UTRN: variants seen among roughly 807,000 people sequenced by gnomAD.
UTRN encodes the protein utrophin.
In UTRN, 283 loss-of-function variants were observed where a neutral mutation model predicts 463.9. That is an observed-to-expected ratio of 0.61 (90% CI 0.55 to 0.67). The LOEUF is 0.67. Ranked by LOEUF, UTRN falls within the 30% of genes least tolerant of loss-of-function variation. UTRN has a pLI of 0.00. For missense variants in UTRN, 3,922 were observed against 4,084.3 expected, an observed-to-expected ratio of 0.96 and a Z score of 1.08; for synonymous variants, 1,442 against 1,431.5, an observed-to-expected ratio of 1.01 and a Z score of -0.17.
At chr6:144,463,773 A>G (rs958669395) in intron 23 of UTRN, among the ~76,000 whole-genome samples, 14 of 151,946 alleles carry the variant, frequency 9.2e-5, no homozygotes, top group Non-Finnish European at 1.5e-4. Context: ...AATTAGCAAT[A>G]GGAGATTTAG....
intron 65 of UTRN, among the ~76,000 whole-genome samples, chr6:144,817,882 TG>T (rs1779222084): frequency 6.6e-6 from 1 of 152,202 alleles, no homozygotes; most frequent in Admixed American, 6.5e-5. Flanking sequence ...TTTAAAAACA[TG>T]TAAATATGAG....
intron 2 of UTRN, among the ~76,000 whole-genome samples, chr6:144,393,046 TCCA>T (rs1782082398): frequency 6.9e-6 from 1 of 145,578 alleles, no homozygotes; most frequent in African/African-American, 2.6e-5. Context: ...CATCCATCCA[TCCA>T]TTCATCCATC....
chr6:144,826,401 C>T lies in UTRN; in HGVS notation c.9495-947C>T, dbSNP rs1272105410. Among the ~76,000 whole-genome samples, 3 of 147,334 alleles carry T rather than the reference C, an allele frequency of 2.0e-5. No individual in the cohort carries two copies. The East Asian group carries it at 6.1e-4, about 30-fold the overall frequency. On this transcript the variant is annotated intron_variant, in intron 66 of 74. Transcript: ENST00000367545. ...AGTTTTGGAATAATTTTGTTTCAAA[C>T]ACTGTTAGCTTTTGCAGACTTTTAT...
chr6:144,719,775 A>C (rs1222454526), intron 53 of UTRN, among the ~76,000 whole-genome samples: 1 of 152,240 alleles, frequency 6.6e-6, no homozygotes. Context: ...TTCTAAGTGC[A>C]ACAGGAAGCC....
At chr6:144,539,525 T>G in intron 45 of UTRN, 82 bp downstream of exon 45, 1 of 1,429,924 alleles carries the variant, frequency 7.0e-7, no homozygotes, top group South Asian at 1.5e-5. Context: ...ACTGCTTTAC[T>G]TTCAAGTATG....
intron 23 of UTRN, among the ~76,000 whole-genome samples, chr6:144,468,031 T>C (rs1241832994): frequency 1.3e-5 from 2 of 152,232 alleles, no homozygotes; most frequent in East Asian, 3.9e-4. Flanking sequence ...CACTATTTTT[T>C]TTTTTTTCTG....
At chr6:144,669,221 A>C (rs2128677324) in intron 51 of UTRN, among the ~76,000 whole-genome samples, 1 of 152,294 alleles carries the variant, frequency 6.6e-6, no homozygotes. Flanking sequence ...CTATATCTTA[A>C]ATTTGTTAGA....
intron 62 of UTRN, among the ~76,000 whole-genome samples, chr6:144,789,514 C>T (rs1776578798): frequency 6.6e-6 from 1 of 151,926 alleles, no homozygotes; most frequent in Admixed American, 6.6e-5. Flanking sequence ...GGAGTGAGAC[C>T]CAACTACAAA....
In UTRN at chr6:144,440,440, G is replaced by A; in HGVS notation, c.1481G>A (p.Ser494Asn). 7 of 1,614,208 alleles carry A rather than the reference G, an allele frequency of 4.3e-6. No homozygotes were observed. Among genetic ancestry groups the A allele is most frequent in the African/African-American group, 1.3e-5 (1 of 75,054 alleles). The change falls in exon 13 of 75, where the codon AGT becomes AAT. Residue 494 changes from serine (S) to asparagine (N), a missense_variant. Transcript: ENST00000367545. ...ATTGTTGATGAAAACAGTGGTGAGA[G>A]TGCTACAGCTATCCTAGAAGACCAG... The part of the protein sequence containing the change: ...VVIVDENSGE[S>N]ATAILEDQLQ...
rs942502585 is a variant in UTRN at position 144,430,522 on chromosome 6, A to G, written c.855+781A>G. Among the ~76,000 whole-genome samples, 59 of 152,170 alleles carry G rather than the reference A, an allele frequency of 3.9e-4. 1 individual carries two copies. Among genetic ancestry groups the G allele is most frequent in the Admixed American group, 2.9e-3 (45 of 15,280 alleles). ...TATAAGAACTACATTTCAGAGAGAA[A>G]GAAAGCTTCTCTGGATGGACCTTAA... On this transcript the variant is annotated intron_variant, in intron 9 of 74. Coordinates refer to ENST00000367545, the MANE Select transcript of UTRN (RefSeq NM_007124.3).
chr6:144,827,917 G>A (rs967337485), intron 68 of UTRN, among the ~76,000 whole-genome samples: 1 of 152,074 alleles, frequency 6.6e-6, no homozygotes, highest in African/African-American at 2.4e-5. Flanking sequence ...CAGCTAATGA[G>A]AATCCAAACA....
intron 13 of UTRN, among the ~76,000 whole-genome samples, chr6:144,443,222 C>T (rs2114908163): frequency 6.6e-6 from 1 of 152,286 alleles, no homozygotes; most frequent in East Asian, 1.9e-4. Flanking sequence ...GCAATCCAAA[C>T]TGTAATTTCA....
At chr6:144,417,259 A>G (rs1784434929) in intron 3 of UTRN, among the ~76,000 whole-genome samples, 1 of 152,200 alleles carries the variant, frequency 6.6e-6, no homozygotes, top group African/African-American at 2.4e-5. Context: ...CCAGTGATGA[A>G]ATATTTTCTT....
At chr6:144,826,187 A>C (rs1401412275) in intron 66 of UTRN, among the ~76,000 whole-genome samples, 1 of 151,688 alleles carries the variant, frequency 6.6e-6, no homozygotes, top group Non-Finnish European at 1.5e-5. Flanking sequence ...TAAATAAATA[A>C]ATGCCTGGTT....
intron 66 of UTRN, among the ~76,000 whole-genome samples, chr6:144,825,450 T>A (rs910968325): frequency 2.6e-5 from 4 of 152,228 alleles, no homozygotes; most frequent in African/African-American, 9.6e-5. Context: ...CTGAAGTCAA[T>A]GAAGCCCAAG....
chr6:144,518,977 G>T (rs1795861144), intron 39 of UTRN, among the ~76,000 whole-genome samples: 1 of 152,104 alleles, frequency 6.6e-6, no homozygotes, highest in Non-Finnish European at 1.5e-5. Context: ...TCAGGACCTA[G>T]GTGTGGGCAT....
intron 2 of UTRN, among the ~76,000 whole-genome samples, chr6:144,339,572 ACTT>A (rs902850868): frequency 4.6e-5 from 7 of 151,970 alleles, no homozygotes; most frequent in African/African-American, 1.5e-4. Context: ...TTTTTTAACC[ACTT>A]CTTTTATAAG....
rs1458076512 is a variant in UTRN, at chr6:144,439,399, G to GATCA, written c.1392+505_1392+506insTCAA. 0.012 allele frequency among the ~76,000 whole-genome samples: 1,786 copies of GATCA among 152,294 alleles called. 62 individuals are homozygous for GATCA. The East Asian group carries it at 0.13, about 11-fold the overall frequency. ...GACTTTTATTGATCAGTGAAACATT[G>GATCA]AGGTAACTAATATGTAAAACTTTAG... On this transcript the variant is annotated intron_variant, in intron 12 of 74. Transcript: ENST00000367545.
At chr6:144,572,976 G>A (rs1801094525) in intron 50 of UTRN, among the ~76,000 whole-genome samples, 1 of 152,150 alleles carries the variant, frequency 6.6e-6, no homozygotes, top group Admixed American at 6.5e-5. Flanking sequence ...TCACCACACT[G>A]TCTTCACAAT....
Sources: gnomAD v4.1 joint callset for allele counts (sites outside exome capture counted in the v4.1 genomes callset) on GRCh38, gnomAD v4.1.1 for gene constraint, MANE v1.5 for transcripts, NCBI Gene and HGNC (gene_info 2026-07-23, HGNC 2026-07-21) for gene names.